Variants in HOXB6 observed in about 807,000 individuals in gnomAD.
The protein encoded by HOXB6 is homeobox protein Hox-B6.
Under a neutral mutation model 24.2 loss-of-function variants are expected in HOXB6, and 18 were observed. That is an observed-to-expected ratio of 0.74 (90% CI 0.51 to 1.10). HOXB6 has a LOEUF of 1.10. Ranked by LOEUF, HOXB6 falls within the 50% of genes least tolerant of loss-of-function variation. The probability of loss-of-function intolerance (pLI) is 0.00; values close to 1 mark genes in which losing one functional copy is unlikely to be tolerated. For missense variants in HOXB6, 332 were observed against 308.3 expected (o/e 1.08, Z -0.58); for synonymous variants, 159 against 139.1 (o/e 1.14, Z -1.01).
intron 3 of HOXB6, among the ~76,000 whole-genome samples, chr17:48,597,400 G>C (rs1265211653): frequency 6.6e-6 from 1 of 152,124 alleles, no homozygotes; most frequent in Non-Finnish European, 1.5e-5. Context: ...GGCTGGGAGA[G>C]GGGGGTTGGG....
chr17:48,601,667 AG>A (rs1174301621), intron 2 of HOXB6: 1 of 162,832 alleles, frequency 6.1e-6, no homozygotes, highest in Non-Finnish European at 1.3e-5. Context: ...AAAGAGGGTG[AG>A]GGCTGCAGCC....
At chr17:48,599,811 T>G (rs2070413740) in intron 2 of HOXB6, among the ~76,000 whole-genome samples, 1 of 152,224 alleles carries the variant, frequency 6.6e-6, no homozygotes. Flanking sequence ...CAAAGTCAGA[T>G]GTCAGGCCAG....
chr17:48,602,253 G>C (rs1374834457), intron 2 of HOXB6: 1 of 456,118 alleles, frequency 2.2e-6, no homozygotes. Context: ...TGACAACCGA[G>C]TGGAACTGAC....
At chr17:48,600,907 T>G (rs1430038486) in intron 2 of HOXB6, among the ~76,000 whole-genome samples, 2 of 152,166 alleles carry the variant, frequency 1.3e-5, no homozygotes, top group African/African-American at 4.8e-5. Context: ...AGCTAACACA[T>G]TCCAGCTCCC....
chr17:48,599,457 C>T (rs1485709793), intron 2 of HOXB6, among the ~76,000 whole-genome samples: 1 of 152,148 alleles, frequency 6.6e-6, no homozygotes, highest in African/African-American at 2.4e-5. Flanking sequence ...TTGGTTTTTG[C>T]TTTAGTTTGA....
At chr17:48,597,715 G>GCGA (rs746873581) in intron 3 of HOXB6, 21 bp downstream of exon 3, 1 of 1,610,108 alleles carries the variant, frequency 6.2e-7, no homozygotes, top group Non-Finnish European at 8.5e-7. Context: ...CGGGGCGACG[G>GCGA]CGACGGGAAG....
intron 3 of HOXB6, among the ~76,000 whole-genome samples, chr17:48,597,378 GA>G (rs2070330509): frequency 6.6e-6 from 1 of 152,088 alleles, no homozygotes; most frequent in South Asian, 2.1e-4. Flanking sequence ...TTTGGTTGGG[GA>G]ACCCTACCAG....
At position 48,598,240 on chromosome 17, in the gene HOXB6, A is replaced by G; in HGVS notation, c.-78-12T>C. 7.4e-7 allele frequency: 1 copy of G among 1,351,330 alleles called. No individual in the cohort carries two copies. The highest frequency in any genetic ancestry group is 9.9e-7 in the Non-Finnish European group (1 of 1,014,656). 83.7% of individuals were successfully genotyped at this position (1,351,330 alleles called of 1,614,324 possible). ...TCCGAGCGCCGCGCCTATTAGTAGT[A>G]TATCCGAGATTGGGTTTTAGCTGAG... is the stretch of plus-strand genomic sequence containing the variant. On this transcript the variant is annotated splice_polypyrimidine_tract_variant and intron_variant, in intron 2 of 3. Transcript: ENST00000225648.
chr17:48,597,111 A>C (rs2070321096), intron 3 of HOXB6: 1 of 1,078,976 alleles, frequency 9.3e-7, no homozygotes, highest in Non-Finnish European at 1.1e-6. Context: ...AATGGACATC[A>C]GTTGGGACTT....
Position 48,596,086 on chromosome 17 carries a change from G to C in HOXB6, c.*327C>G, listed in dbSNP as rs1025084514. 9 of 539,536 alleles carry C rather than the reference G, an allele frequency of 1.7e-5. No homozygotes were observed. The East Asian group carries it at 4.2e-4, about 25-fold the overall frequency. The allele number at this position is 539,536 out of a possible 1,614,324, so 33.4% of individuals were successfully genotyped here. On this transcript the variant is annotated 3_prime_UTR_variant, in exon 4 of 4. Transcript: ENST00000225648. The surrounding 1 kb of genome is among the most constrained non-coding windows in gnomAD (Gnocchi z 4.8). ...ACATGGACAAAATGAGACGCGACAG[G>C]GACAAGAGCATTTTGCTCTGCTTCC...
chr17:48,597,696 C>T (rs1269710296), intron 3 of HOXB6, 40 bp downstream of exon 3: 3 of 1,602,084 alleles, frequency 1.9e-6, no homozygotes, highest in Non-Finnish European at 2.6e-6. Context: ...GGTGGGCGCC[C>T]AGGGGAGCCG....
chr17:48,597,091 G>A lies in HOXB6; in HGVS notation c.416-419C>T, dbSNP rs1175405837. The stretch of plus-strand genomic sequence containing the variant: ...TCCACATTAACGGCTCCTCACTTTC[G>A]AGTCCGGCTAATGGACATCAGTTGG... On this transcript the variant is annotated intron_variant, in intron 3 of 3. Coordinates refer to ENST00000225648, the MANE Select transcript of HOXB6 (RefSeq NM_018952.5). 6.4e-6 allele frequency: 7 copies of A among 1,095,280 alleles called. No individual in the cohort carries two copies. In the African/African-American group the frequency reaches 1.0e-4, roughly 16 times the overall value. The allele number at this position is 1,095,280 out of a possible 1,614,324, so 67.8% of individuals were successfully genotyped here. A position where few individuals can be genotyped will look rare whatever the true frequency, so the allele number is the denominator to read the frequency against.
chr17:48,596,916 TG>T lies in HOXB6; in HGVS notation c.416-245del, dbSNP rs2070313884. On this transcript the variant is annotated intron_variant, in intron 3 of 3. Coordinates refer to ENST00000225648, the MANE Select transcript of HOXB6 (RefSeq NM_018952.5). The surrounding 1 kb of genome is among the most constrained non-coding windows in gnomAD (Gnocchi z 4.8). ...AGCAGTTTGAACTCCCACCTGAGCC[TG>T]GGGGGAGGGGCTGGTCAGGTGTGTC... is the stretch of plus-strand genomic sequence containing the variant. 11 of 1,375,682 alleles carry T rather than the reference TG, an allele frequency of 8.0e-6. No individual in the cohort carries two copies. Among genetic ancestry groups the T allele is most frequent in the Non-Finnish European group, 6.6e-6 (7 of 1,054,144 alleles). The allele number at this position is 1,375,682 out of a possible 1,614,324, so 85.2% of individuals were successfully genotyped here.
intron 2 of HOXB6, chr17:48,601,942 G>GC (rs2070475883): frequency 7.9e-6 from 3 of 380,584 alleles, no homozygotes; most frequent in South Asian, 5.9e-5. Context: ...CCTAGCCCTG[G>GC]CCACCCCCTC....
At chr17:48,597,710 C>A (rs767182042) in intron 3 of HOXB6, 26 bp downstream of exon 3, 3 of 1,608,740 alleles carry the variant, frequency 1.9e-6, no homozygotes, top group Admixed American at 3.4e-5. Flanking sequence ...GGAGCCGGGG[C>A]GACGGCGACG....
At chr17:48,597,382 C>G (rs2070330672) in intron 3 of HOXB6, among the ~76,000 whole-genome samples, 1 of 152,118 alleles carries the variant, frequency 6.6e-6, no homozygotes, top group African/African-American at 2.4e-5. Context: ...GTTGGGGAAC[C>G]CTACCAGGGC....
chr17:48,602,467 A>G (rs1188500365), intron 2 of HOXB6: 3 of 339,006 alleles, frequency 8.8e-6, no homozygotes, highest in Non-Finnish European at 1.7e-5. Flanking sequence ...AAGCAGAATT[A>G]GACCTTTTTA....
At position 48,596,794 on chromosome 17, in the gene HOXB6, T is replaced by C; in HGVS notation, c.416-122A>G. 1 of 1,451,644 alleles carries C rather than the reference T, an allele frequency of 6.9e-7. No homozygotes were observed. Among genetic ancestry groups the C allele is most frequent in the Non-Finnish European group, 9.4e-7 (1 of 1,066,466 alleles). The allele number at this position is 1,451,644 out of a possible 1,614,324, so 89.9% of individuals were successfully genotyped here. ...GATGCCCTCTATTCTGCCGGCTCCC[T>C]TCCCCCGTTTCGCACTCCTCCAGCG... On this transcript the variant is annotated intron_variant, in intron 3 of 3. Coordinates refer to ENST00000225648, the MANE Select transcript of HOXB6 (RefSeq NM_018952.5). The surrounding 1 kb of genome is among the most constrained non-coding windows in gnomAD (Gnocchi z 4.8).
In HOXB6 at chr17:48,596,331, A is replaced by T; in HGVS notation, c.*82T>A. 2 of 1,598,820 alleles carry T rather than the reference A, an allele frequency of 1.3e-6. No homozygotes were observed. Among genetic ancestry groups the T allele is most frequent in the African/African-American group, 1.3e-5 (1 of 74,560 alleles). On this transcript the variant is annotated 3_prime_UTR_variant, in exon 4 of 4. Coordinates refer to ENST00000225648, the MANE Select transcript of HOXB6 (RefSeq NM_018952.5). This position sits in a 1 kb window ranked among gnomAD's most constrained non-coding sequence, Gnocchi z 4.8. Reference sequence around the variant, plus strand: ...AGGTCTCCTGGCTCCCCCACCCGAGAGCCTTCCTTCCCGGGTCTCTCTGAC... The same window carrying T: ...AGGTCTCCTGGCTCCCCCACCCGAGTGCCTTCCTTCCCGGGTCTCTCTGAC...
Sources: gnomAD v4.1 joint callset for allele counts (sites outside exome capture counted in the v4.1 genomes callset) on GRCh38, gnomAD v4.1.1 for gene constraint, Gnocchi (gnomAD v3.1) non-coding constraint, MANE v1.5 for transcripts, NCBI Gene and HGNC (gene_info 2026-07-23, HGNC 2026-07-21) for gene names.